The following KATNIP variants were observed in gnomAD, a reference collection of about 807,000 sequenced individuals.
KATNIP encodes katanin-interacting protein.
A neutral mutation model predicts 174.0 loss-of-function variants in KATNIP; 126 were observed. The observed-to-expected ratio is 0.72, with a 90% CI of 0.63 to 0.84. KATNIP has a LOEUF of 0.84. Among genes scored for constraint, KATNIP ranks in the 40% least tolerant of loss-of-function variants. The pLI is 0.00. For missense variants in KATNIP, 1,958 were observed against 2,109.7 expected, an observed-to-expected ratio of 0.93 and a Z score of 1.41; for synonymous variants, 810 against 835.7, an observed-to-expected ratio of 0.97 and a Z score of 0.53.
chr16:27,704,906 CTTTTTTTTTT>C (rs560766968), intron 12 of KATNIP, among the ~76,000 whole-genome samples: 6 of 127,552 alleles, frequency 4.7e-5, no homozygotes, highest in African/African-American at 1.7e-4. Flanking sequence ...TCTTTTTTTT[CTTTTTTTTTT>C]TTTTTTTTTT....
chr16:27,708,612 A>T, intron 12 of KATNIP, 93 bp from the exon 13 acceptor site: 1 of 907,246 alleles, frequency 1.1e-6, no homozygotes, highest in Non-Finnish European at 1.7e-6. Context: ...CCTGAAGGTT[A>T]ACTAACTTTT....
intron 20 of KATNIP, among the ~76,000 whole-genome samples, chr16:27,767,720 A>C (rs2082171066): frequency 6.6e-6 from 1 of 152,164 alleles, no homozygotes; most frequent in African/African-American, 2.4e-5. Flanking sequence ...CAAAGAAAGA[A>C]AAATGAAAAA....
At chr16:27,642,769 A>AATT (rs1282142453) in intron 5 of KATNIP, among the ~76,000 whole-genome samples, 2 of 125,588 alleles carry the variant, frequency 1.6e-5, no homozygotes, top group African/African-American at 5.4e-5. Flanking sequence ...TTTTTAAAAA[A>AATT]TTTTTTTTTT....
rs370507484 is a variant in KATNIP at position 27,655,840 on chromosome 16, G to A, written c.540+7105G>A. ...CCTTACAATTCACAGTCACAGGCGGGGAATATTGCACTCATCTGGTTTTGC... is the reference window on the plus strand; with the variant it reads ...CCTTACAATTCACAGTCACAGGCGGAGAATATTGCACTCATCTGGTTTTGC... On this transcript the variant is annotated intron_variant, in intron 6 of 27. Coordinates refer to ENST00000261588, the MANE Select transcript of KATNIP (RefSeq NM_015202.5). Among the ~76,000 whole-genome samples, 5 of 152,206 alleles carry A rather than the reference G, an allele frequency of 3.3e-5. No individual in the cohort carries two copies. In the East Asian group the frequency reaches 7.7e-4, roughly 24 times the overall value.
At chr16:27,635,354 T>C (rs2076601724) in intron 5 of KATNIP, among the ~76,000 whole-genome samples, 1 of 152,142 alleles carries the variant, frequency 6.6e-6, no homozygotes, top group Non-Finnish European at 1.5e-5. Flanking sequence ...TTCTGGCCTC[T>C]ACCCCACAGA....
chr16:27,571,786 G>C (rs2090306645), intron 1 of KATNIP, among the ~76,000 whole-genome samples: 1 of 152,208 alleles, frequency 6.6e-6, no homozygotes, highest in Non-Finnish European at 1.5e-5. Context: ...CGCTCTGCAT[G>C]ATGAGGCCTG....
At chr16:27,564,165 G>C (rs2089999690) in intron 1 of KATNIP, among the ~76,000 whole-genome samples, 1 of 152,184 alleles carries the variant, frequency 6.6e-6, no homozygotes, top group South Asian at 2.1e-4. Context: ...GGAAGCCCAA[G>C]TTCAGTTGAA....
At chr16:27,749,486 G>A (rs917869972) in intron 15 of KATNIP, 98 bp from the exon 16 acceptor site, 4 of 1,395,624 alleles carry the variant, frequency 2.9e-6, no homozygotes, top group African/African-American at 2.9e-5. Context: ...AGGTGGCCCT[G>A]CCTCACTGAG....
At chr16:27,717,654 G>A (rs1393310037) in intron 13 of KATNIP, among the ~76,000 whole-genome samples, 2 of 152,188 alleles carry the variant, frequency 1.3e-5, no homozygotes, top group Non-Finnish European at 2.9e-5. Flanking sequence ...AAGTTATGGA[G>A]TAGATATGTC....
intron 2 of KATNIP, among the ~76,000 whole-genome samples, chr16:27,618,015 G>A (rs566280181): frequency 1.3e-5 from 2 of 152,218 alleles, no homozygotes; most frequent in African/African-American, 4.8e-5. Context: ...TAGTTTTACA[G>A]GCATGAGCCA....
At chr16:27,645,516 A>T (rs1167427130) in intron 5 of KATNIP, among the ~76,000 whole-genome samples, 1 of 152,170 alleles carries the variant, frequency 6.6e-6, no homozygotes, top group Non-Finnish European at 1.5e-5. Context: ...AGTGGGATGG[A>T]GTTGAGCTGC....
chr16:27,761,588 C>T lies in KATNIP; in HGVS notation c.3807C>T (p.Asp1269=), dbSNP rs1405259107. The change falls in exon 19 of 28, where the codon GAC becomes GAT. Residue 1269 remains aspartate, a splice_region_variant and synonymous_variant. Coordinates refer to ENST00000261588, the MANE Select transcript of KATNIP (RefSeq NM_015202.5). ...ACTCTGACGACTCCCGGGCCCTGGA[C>T]AAGTAAGTGTCTATCAGAAGCTTTA... The part of the protein sequence containing the change: ...PEYSDDSRAL[D]KLIDGTNITM... 1.9e-6 allele frequency: 3 copies of T among 1,612,016 alleles called. No homozygotes were observed. The highest frequency in any genetic ancestry group is 2.7e-5 in the African/African-American group (2 of 74,876).
At chr16:27,748,805 A>G (rs2081384211) in intron 15 of KATNIP, among the ~76,000 whole-genome samples, 1 of 152,116 alleles carries the variant, frequency 6.6e-6, no homozygotes, top group African/African-American at 2.4e-5. Context: ...AAAAAGAAAG[A>G]AAATAAAAGT....
At chr16:27,713,631 GTATTTA>G (rs913473844) in intron 13 of KATNIP, among the ~76,000 whole-genome samples, 1 of 8,376 alleles carries the variant, frequency 1.2e-4, no homozygotes, top group African/African-American at 5.2e-4. Flanking sequence ...ATTTATGTGT[GTATTTA>G]TATTTATGTG....
chr16:27,577,471 C>G (rs1329136755), intron 2 of KATNIP, among the ~76,000 whole-genome samples: 1 of 152,160 alleles, frequency 6.6e-6, no homozygotes, highest in Non-Finnish European at 1.5e-5. Context: ...GTGGGCAGAT[C>G]ACCTGAGGTC....
chr16:27,657,558 C>G (rs1412365494), intron 6 of KATNIP, among the ~76,000 whole-genome samples: 14 of 151,822 alleles, frequency 9.2e-5, no homozygotes, highest in Non-Finnish European at 4.4e-5. Flanking sequence ...AAAATCCCAT[C>G]TCTACTAAAG....
intron 2 of KATNIP, among the ~76,000 whole-genome samples, chr16:27,576,220 A>G (rs990804149): frequency 3.3e-5 from 5 of 152,120 alleles, no homozygotes; most frequent in South Asian, 2.1e-4. Context: ...GGACTCCCCT[A>G]ATTGCTGCTT....
At chr16:27,736,950 G>A (rs757399877) in intron 14 of KATNIP, among the ~76,000 whole-genome samples, 6 of 151,962 alleles carry the variant, frequency 3.9e-5, no homozygotes, top group Non-Finnish European at 7.4e-5. Flanking sequence ...GCCGAGGGAC[G>A]TGCCCACATA....
At chr16:27,615,458 G>A (rs1242718234) in intron 2 of KATNIP, among the ~76,000 whole-genome samples, 1 of 151,674 alleles carries the variant, frequency 6.6e-6, no homozygotes, top group Non-Finnish European at 1.5e-5. Context: ...AAGTTCAAGC[G>A]ATTCTCCTGC....
Sources: allele counts gnomAD v4.1 joint callset (sites outside exome capture counted in the v4.1 genomes callset), GRCh38; gene constraint gnomAD v4.1.1; transcripts MANE v1.5; gene names NCBI Gene and HGNC (gene_info 2026-07-23, HGNC 2026-07-21).